Variants in MDM4 observed in about 807,000 individuals in gnomAD.
MDM4 encodes MDM4 regulator of p53, also known as protein Mdm4.
Under a neutral mutation model 60.2 loss-of-function variants are expected in MDM4, and 2 were observed. That is an observed-to-expected ratio of 0.03 (90% CI 0.01 to 0.10). The LOEUF (loss-of-function observed/expected upper bound fraction) is 0.10, where lower values mean the gene tolerates loss of function less well. Ranked by LOEUF, MDM4 falls within the 10% of genes least tolerant of loss-of-function variation. MDM4 has a pLI of 1.00. For missense variants in MDM4, 447 were observed against 577.5 expected (o/e 0.77, Z 2.32); for synonymous variants, 202 against 198.1 (o/e 1.02, Z -0.17).
At chr1:204,548,316 G>C (rs1572525941) in intron 10 of MDM4, among the ~76,000 whole-genome samples, 5 of 152,276 alleles carry the variant, frequency 3.3e-5, no homozygotes, top group Admixed American at 2.6e-4. Flanking sequence ...ACATGGTTGT[G>C]CCCTTGCCTC....
At chr1:204,529,112 C>G in intron 3 of MDM4, 1 of 1,241,064 alleles carries the variant, frequency 8.1e-7, no homozygotes, top group Middle Eastern at 2.3e-4. Context: ...CTGAGTTGTC[C>G]CAGTCATAAC....
Position 204,516,752 on chromosome 1 carries a change from GTGACAAACCTAAAGTCGACGTAGTTGGAT to G in MDM4, c.-36+247_-36+275del, listed in dbSNP as rs1285724351. 2.0e-5 allele frequency among the ~76,000 whole-genome samples: 3 copies of G among 152,184 alleles called. No homozygotes were observed. The East Asian group carries it at 5.8e-4, about 29-fold the overall frequency. Reference sequence around the variant, plus strand: ...GACGTGAAGTAACTTTGGCCAACAGGTGACAAACCTAAAGTCGACGTAGTTGGATTGAGTTTAACTGGACACAACATTTG... The same window carrying G: ...GACGTGAAGTAACTTTGGCCAACAGGTGAGTTTAACTGGACACAACATTTG... On this transcript the variant is annotated intron_variant, in intron 1 of 10. Coordinates refer to ENST00000367182, the MANE Select transcript of MDM4 (RefSeq NM_002393.5).
intron 5 of MDM4, among the ~76,000 whole-genome samples, chr1:204,533,461 AT>A (rs1168851935): frequency 6.6e-6 from 1 of 152,134 alleles, no homozygotes; most frequent in Non-Finnish European, 1.5e-5. Flanking sequence ...GGCTCAGGTG[AT>A]TCTCCCACCT....
At position 204,557,428 on chromosome 1, in the gene MDM4, A is replaced by G. The variant is rs1663604733; in HGVS notation, c.*7746A>G. 1 of 177,852 alleles carries G rather than the reference A, an allele frequency of 5.6e-6. No homozygotes were observed. The highest frequency in any genetic ancestry group is 9.4e-5 in the East Asian group (1 of 10,626). The allele number at this position is 177,852 out of a possible 1,614,324, so 11.0% of individuals were successfully genotyped here. A position where few individuals can be genotyped will look rare whatever the true frequency, so the allele number is the denominator to read the frequency against. On this transcript the variant is annotated 3_prime_UTR_variant, in exon 11 of 11. Coordinates refer to ENST00000367182, the MANE Select transcript of MDM4 (RefSeq NM_002393.5). ...AAAAAAAATTTTTTTTTTGAGACAGAGTCTTACTCTGTCACCCAGGCTGGA... is the reference window on the plus strand; with the variant it reads ...AAAAAAAATTTTTTTTTTGAGACAGGGTCTTACTCTGTCACCCAGGCTGGA...
At chr1:204,516,950 C>T (rs1443468403) in intron 1 of MDM4, among the ~76,000 whole-genome samples, 1 of 152,070 alleles carries the variant, frequency 6.6e-6, no homozygotes, top group African/African-American at 2.4e-5. Flanking sequence ...TTTGAAAATG[C>T]TTGTTTTGGC....
chr1:204,522,375 A>T (rs898130348), intron 1 of MDM4, among the ~76,000 whole-genome samples: 13 of 150,930 alleles, frequency 8.6e-5, no homozygotes, highest in African/African-American at 3.2e-4. Context: ...TGAGATCAAT[A>T]GCCACCCATT....
rs1314532473 is a variant in MDM4 at position 204,532,882 on chromosome 1, G to A, written c.343+636G>A. On this transcript the variant is annotated intron_variant, in intron 5 of 10. Coordinates refer to ENST00000367182, the MANE Select transcript of MDM4 (RefSeq NM_002393.5). ...TCTCTATTTTTGGTAAACTGGTAGT[G>A]CTTGAATAAATTCAAGTTTAAATTT... 7 of 1,561,596 alleles carry A rather than the reference G, an allele frequency of 4.5e-6. No individual in the cohort carries two copies. In the East Asian group the frequency reaches 1.1e-4, roughly 25 times the overall value.
At chr1:204,533,504 A>AT (rs1344649825) in intron 5 of MDM4, among the ~76,000 whole-genome samples, 1 of 152,042 alleles carries the variant, frequency 6.6e-6, no homozygotes, top group Non-Finnish European at 1.5e-5. Flanking sequence ...TTATAGGCAC[A>AT]TGCCACCATG....
At chr1:204,528,921 T>C in intron 3 of MDM4, 1 of 1,593,052 alleles carries the variant, frequency 6.3e-7, no homozygotes, top group Non-Finnish European at 8.6e-7. Context: ...TGTGTCCTTC[T>C]CCCGGAAGGC....
chr1:204,542,371 A>C (rs1662184051), intron 7 of MDM4, among the ~76,000 whole-genome samples: 1 of 152,250 alleles, frequency 6.6e-6, no homozygotes, highest in Non-Finnish European at 1.5e-5. Context: ...GCTGTTAATC[A>C]AACTATTATC....
chr1:204,546,950 T>G (rs1429985488), intron 10 of MDM4, 73 bp downstream of exon 10: 1 of 903,682 alleles, frequency 1.1e-6, no homozygotes. Flanking sequence ...AGTTCACTTG[T>G]GTTGAAGAGT....
At chr1:204,538,063 A>G in intron 6 of MDM4, 146 bp from the exon 7 acceptor site, 1 of 769,242 alleles carries the variant, frequency 1.3e-6, no homozygotes, top group Non-Finnish European at 2.4e-6. Flanking sequence ...TGTTGCCTTT[A>G]TTTGATGACT....
chr1:204,528,089 T>TA (rs1660411161), intron 3 of MDM4, among the ~76,000 whole-genome samples: 1 of 151,890 alleles, frequency 6.6e-6, no homozygotes, highest in African/African-American at 2.4e-5. Flanking sequence ...TTTTTTTTTT[T>TA]TTTAGTTTTA....
chr1:204,519,404 G>C (rs1380488866), intron 1 of MDM4, among the ~76,000 whole-genome samples: 1 of 152,180 alleles, frequency 6.6e-6, no homozygotes, highest in Non-Finnish European at 1.5e-5. Flanking sequence ...CTACTCGGGA[G>C]GCTGAGGCAG....
intron 9 of MDM4, among the ~76,000 whole-genome samples, chr1:204,545,797 G>A (rs778363568): frequency 2.0e-5 from 3 of 152,050 alleles, no homozygotes; most frequent in South Asian, 2.1e-4. Context: ...AAGTAGCTGG[G>A]GTCACAGGCA....
chr1:204,555,194 G>T lies in MDM4; in HGVS notation c.*5512G>T, dbSNP rs527672353. 713 of 174,190 alleles carry T rather than the reference G, an allele frequency of 4.1e-3. 3 individuals are homozygous for T. The highest frequency in any genetic ancestry group is 0.016 in the Middle Eastern group (7 of 442). The allele number at this position is 174,190 out of a possible 1,614,324, so 10.8% of individuals were successfully genotyped here. On this transcript the variant is annotated 3_prime_UTR_variant, in exon 11 of 11. Transcript: ENST00000367182. Reference sequence around the variant, plus strand: ...TTTTTAGACGGAGTCTCTCTCTGTCGCCCCGGCTGGAGTGCAGTGGCGCGA... The same window carrying T: ...TTTTTAGACGGAGTCTCTCTCTGTCTCCCCGGCTGGAGTGCAGTGGCGCGA...
At chr1:204,536,586 T>A (rs1661451673) in intron 5 of MDM4, among the ~76,000 whole-genome samples, 1 of 152,232 alleles carries the variant, frequency 6.6e-6, no homozygotes, top group Non-Finnish European at 1.5e-5. Context: ...CTCATTCACA[T>A]AGCCTCAAAT....
chr1:204,517,287 C>T (rs1219328209), intron 1 of MDM4, among the ~76,000 whole-genome samples: 3 of 151,690 alleles, frequency 2.0e-5, no homozygotes, highest in African/African-American at 7.3e-5. Flanking sequence ...CACACTGAAA[C>T]CTACAGACAG....
intron 1 of MDM4, among the ~76,000 whole-genome samples, chr1:204,523,863 G>T (rs1659831870): frequency 6.6e-6 from 1 of 152,184 alleles, no homozygotes; most frequent in East Asian, 1.9e-4. Flanking sequence ...TATCCCTGAC[G>T]CAGGTAGCCC....
Sources: gnomAD v4.1 joint callset for allele counts (sites outside exome capture counted in the v4.1 genomes callset) on GRCh38, gnomAD v4.1.1 for gene constraint, MANE v1.5 for transcripts, NCBI Gene and HGNC (gene_info 2026-07-23, HGNC 2026-07-21) for gene names.